Variants in FARS2 observed in about 807,000 individuals in gnomAD.
The protein encoded by FARS2 is phenylalanine--tRNA ligase, mitochondrial.
Under a neutral mutation model 46.4 loss-of-function variants are expected in FARS2, and 40 were observed. The observed-to-expected ratio is 0.86, with a 90% CI of 0.67 to 1.12. The LOEUF (loss-of-function observed/expected upper bound fraction) is 1.12, where lower values mean the gene tolerates loss of function less well. Among genes scored for constraint, FARS2 ranks in the 50% most tolerant of loss-of-function variants. FARS2 has a pLI of 0.00. For missense variants in FARS2, 513 were observed against 567.9 expected, an observed-to-expected ratio of 0.90 and a Z score of 0.98; for synonymous variants, 234 against 214.9, an observed-to-expected ratio of 1.09 and a Z score of -0.78.
Position 5,764,595 on chromosome 6 carries a change from C to T in FARS2, c.1218-6696C>T, listed in dbSNP as rs536229345. Among the ~76,000 whole-genome samples, 1 of 152,248 alleles carries T rather than the reference C, an allele frequency of 6.6e-6. No homozygotes were observed. The highest frequency in any genetic ancestry group is 2.1e-4 in the South Asian group (1 of 4,826). ...GCATCTTCTCTCCCGTTGAGTAATCCCTGCATGAATAGATGGCAGCTGCAG... is the reference window on the plus strand; with the variant it reads ...GCATCTTCTCTCCCGTTGAGTAATCTCTGCATGAATAGATGGCAGCTGCAG... On this transcript the variant is annotated intron_variant, in intron 6 of 6. Coordinates refer to ENST00000274680, the MANE Select transcript of FARS2 (RefSeq NM_006567.5). This position sits in a 1 kb window ranked among gnomAD's most constrained non-coding sequence, Gnocchi z 4.1.
At chr6:5,358,849 T>C (rs986292651) in intron 1 of FARS2, among the ~76,000 whole-genome samples, 1 of 152,098 alleles carries the variant, frequency 6.6e-6, no homozygotes, top group Non-Finnish European at 1.5e-5. Context: ...AAAAAACTTC[T>C]AAAAGTTATA....
chr6:5,491,606 G>A (rs1285862888), intron 4 of FARS2, among the ~76,000 whole-genome samples: 2 of 152,182 alleles, frequency 1.3e-5, no homozygotes, highest in Non-Finnish European at 2.9e-5. Context: ...TCCCCATGCT[G>A]CAGGAGTCCT....
chr6:5,578,047 C>T (rs1469546963), intron 5 of FARS2, among the ~76,000 whole-genome samples: 1 of 152,140 alleles, frequency 6.6e-6, no homozygotes, highest in African/African-American at 2.4e-5. Context: ...GTGATCCGCC[C>T]ATCTCGGCCT....
intron 4 of FARS2, among the ~76,000 whole-genome samples, chr6:5,507,948 T>G (rs1227816700): frequency 6.6e-6 from 1 of 152,242 alleles, no homozygotes; most frequent in Non-Finnish European, 1.5e-5. Flanking sequence ...TGCTTCTCAA[T>G]TTCAGAATGT....
At chr6:5,698,445 C>T (rs1227184888) in intron 6 of FARS2, among the ~76,000 whole-genome samples, 1 of 152,182 alleles carries the variant, frequency 6.6e-6, no homozygotes, top group Admixed American at 6.5e-5. Flanking sequence ...GCCCCACCTC[C>T]AGCATTGGGG....
At chr6:5,654,500 T>C (rs891247099) in intron 6 of FARS2, among the ~76,000 whole-genome samples, 1 of 152,234 alleles carries the variant, frequency 6.6e-6, no homozygotes, top group Non-Finnish European at 1.5e-5. Context: ...GGGGTTAGGA[T>C]ACTGCCCTTC....
At chr6:5,697,862 C>A (rs1412463182) in intron 6 of FARS2, among the ~76,000 whole-genome samples, 1 of 152,078 alleles carries the variant, frequency 6.6e-6, no homozygotes, top group East Asian at 1.9e-4. Flanking sequence ...CAAGCTAAAT[C>A]CTCAACTTAA....
chr6:5,476,565 G>A (rs1297493850), intron 4 of FARS2, among the ~76,000 whole-genome samples: 3 of 152,158 alleles, frequency 2.0e-5, no homozygotes, highest in Non-Finnish European at 4.4e-5. Flanking sequence ...TGGAGTGAGG[G>A]AGGGATGAAC....
intron 1 of FARS2, among the ~76,000 whole-genome samples, chr6:5,273,971 CTATTT>C (rs1334397771): frequency 2.0e-5 from 3 of 152,086 alleles, no homozygotes; most frequent in African/African-American, 7.2e-5. Flanking sequence ...ATCTGGTTCT[CTATTT>C]TATTATTAGT....
At chr6:5,667,277 TG>T (rs1778182123) in intron 6 of FARS2, among the ~76,000 whole-genome samples, 1 of 152,160 alleles carries the variant, frequency 6.6e-6, no homozygotes, top group African/African-American at 2.4e-5. Flanking sequence ...CCCAGCCCTT[TG>T]GGGGGCCAAG....
Position 5,471,276 on chromosome 6 carries a change from G to A in FARS2, c.904+40104G>A, listed in dbSNP as rs1317371293. On this transcript the variant is annotated intron_variant, in intron 4 of 6. Transcript: ENST00000274680. The surrounding 1 kb of genome is among the most constrained non-coding windows in gnomAD (Gnocchi z 4.1). ...GGCCTTGTTAGTGATCCGGTGCTAA[G>A]CGCCTAAAATAAGTAGATCTTATTT... is the stretch of plus-strand genomic sequence containing the variant. 6.6e-6 allele frequency among the ~76,000 whole-genome samples: 1 copy of A among 152,168 alleles called. No individual in the cohort carries two copies. The highest frequency in any genetic ancestry group is 1.9e-4 in the East Asian group (1 of 5,194).
intron 6 of FARS2, among the ~76,000 whole-genome samples, chr6:5,695,634 A>G (rs955088965): frequency 6.6e-6 from 1 of 152,248 alleles, no homozygotes; most frequent in Non-Finnish European, 1.5e-5. Flanking sequence ...AGGTCACACC[A>G]TATATAAGTA....
At chr6:5,485,792 C>T (rs1399047714) in intron 4 of FARS2, among the ~76,000 whole-genome samples, 1 of 152,186 alleles carries the variant, frequency 6.6e-6, no homozygotes, top group African/African-American at 2.4e-5. Context: ...GGCCATGAGC[C>T]GCACATGGCT....
intron 4 of FARS2, among the ~76,000 whole-genome samples, chr6:5,442,474 T>G (rs1271196172): frequency 6.6e-6 from 1 of 152,106 alleles, no homozygotes; most frequent in African/African-American, 2.4e-5. Flanking sequence ...ATAACATCAT[T>G]CTCCAAAAAA....
intron 4 of FARS2, among the ~76,000 whole-genome samples, chr6:5,505,305 T>G (rs764717640): frequency 4.6e-5 from 7 of 152,204 alleles, no homozygotes; most frequent in Non-Finnish European, 7.3e-5. Context: ...CTTTAGTTCC[T>G]GTTGTGCCTT....
chr6:5,508,622 G>A (rs575851125), intron 4 of FARS2, among the ~76,000 whole-genome samples: 3 of 152,338 alleles, frequency 2.0e-5, no homozygotes, highest in African/African-American at 7.2e-5. Flanking sequence ...GGCCCAAAGG[G>A]TACAGGACAG....
intron 1 of FARS2, among the ~76,000 whole-genome samples, chr6:5,296,717 T>G (rs1265905964): frequency 6.6e-6 from 1 of 152,230 alleles, no homozygotes; most frequent in Non-Finnish European, 1.5e-5. Context: ...GCATAACATT[T>G]TCATGGTTCA....
At chr6:5,638,294 G>A (rs944813729) in intron 6 of FARS2, among the ~76,000 whole-genome samples, 5 of 152,250 alleles carry the variant, frequency 3.3e-5, no homozygotes, top group African/African-American at 1.2e-4. Flanking sequence ...GCCGGGCGCA[G>A]TGGCTCACGC....
intron 6 of FARS2, among the ~76,000 whole-genome samples, chr6:5,766,822 A>G (rs936135689): frequency 6.6e-6 from 1 of 152,050 alleles, no homozygotes; most frequent in African/African-American, 2.4e-5. Flanking sequence ...AGTCTCCCCT[A>G]TGACCCCTGG....
Sources: allele counts gnomAD v4.1 joint callset (sites outside exome capture counted in the v4.1 genomes callset), GRCh38; gene constraint gnomAD v4.1.1; non-coding constraint Gnocchi (gnomAD v3.1); transcripts MANE v1.5; gene names NCBI Gene and HGNC (gene_info 2026-07-23, HGNC 2026-07-21).